Variants in UVRAG observed in about 807,000 individuals in gnomAD.
UVRAG encodes the protein UV radiation resistance-associated gene protein.
A neutral mutation model predicts 78.0 loss-of-function variants in UVRAG; 19 were observed. The observed-to-expected ratio is 0.24, with a 90% CI of 0.17 to 0.36. The LOEUF (loss-of-function observed/expected upper bound fraction) is 0.36. Among genes scored for constraint, UVRAG ranks in the 10% least tolerant of loss-of-function variants. UVRAG has a pLI of 1.00. For synonymous variants in UVRAG, 323 were observed against 324.6 expected (o/e 1.00, Z 0.05); for missense variants, 740 against 853.8 (o/e 0.87, Z 1.66).
chr11:75,916,404 A>G (rs970703809), intron 6 of UVRAG: 1 of 152,256 alleles, frequency 6.6e-6, no homozygotes, highest in African/African-American at 2.4e-5. Flanking sequence ...GTAGACATTT[A>G]ATAAATGTTA....
rs557360793 is a variant in UVRAG, at chr11:76,106,082, GAAAC to G, written c.1306-9839_1306-9836del. ...ACTTAATTCTTAATAATAAAAATGA[GAAAC>G]AACCCAGATGTCCCTCAACTGGCAT... On this transcript the variant is annotated intron_variant, in intron 13 of 14. Coordinates refer to ENST00000356136, the MANE Select transcript of UVRAG (RefSeq NM_003369.4). Among the ~76,000 whole-genome samples, 269 of 152,178 alleles carry G rather than the reference GAAAC, an allele frequency of 1.8e-3. 1 individual carries two copies. Among genetic ancestry groups the G allele is most frequent in the East Asian group, 0.011 (57 of 5,180 alleles).
At chr11:75,977,151 T>C (rs1348464532) in intron 7 of UVRAG, among the ~76,000 whole-genome samples, 2 of 152,190 alleles carry the variant, frequency 1.3e-5, no homozygotes, top group Non-Finnish European at 2.9e-5. Flanking sequence ...AGGAGCAGGT[T>C]GTTCAGTTTC....
intron 1 of UVRAG, among the ~76,000 whole-genome samples, chr11:75,828,622 G>T (rs552756880): frequency 1.3e-5 from 2 of 149,786 alleles, no homozygotes; most frequent in South Asian, 4.2e-4. Context: ...GAGACTACAG[G>T]CACGCACCAC....
intron 13 of UVRAG, among the ~76,000 whole-genome samples, chr11:76,087,505 A>G (rs1292631235): frequency 3.9e-5 from 6 of 152,220 alleles, no homozygotes; most frequent in Admixed American, 3.9e-4. Context: ...AATCATAATT[A>G]CTGTGTGTCA....
At chr11:75,848,196 CA>C (rs367973408) in intron 1 of UVRAG, among the ~76,000 whole-genome samples, 508 of 116,206 alleles carry the variant, frequency 4.4e-3, no homozygotes, top group Non-Finnish European at 4.9e-3. Flanking sequence ...GACCCTGTCT[CA>C]AAAAAAAAAA....
intron 2 of UVRAG, among the ~76,000 whole-genome samples, chr11:75,856,620 T>C (rs947744738): frequency 6.6e-6 from 1 of 152,060 alleles, no homozygotes; most frequent in Non-Finnish European, 1.5e-5. Context: ...AATTTTTTGT[T>C]GTTGTTTGTA....
At chr11:75,934,242 C>A (rs1479260710) in intron 6 of UVRAG, among the ~76,000 whole-genome samples, 1 of 152,042 alleles carries the variant, frequency 6.6e-6, no homozygotes, top group Non-Finnish European at 1.5e-5. Context: ...TCAAGCACAG[C>A]AAGACAAACA....
At chr11:75,958,940 G>T (rs960919403) in intron 6 of UVRAG, among the ~76,000 whole-genome samples, 2 of 152,130 alleles carry the variant, frequency 1.3e-5, no homozygotes, top group Non-Finnish European at 1.5e-5. Flanking sequence ...GGGTGACCAG[G>T]TTCATTGCCA....
chr11:75,902,453 T>C (rs1363646868), intron 5 of UVRAG, among the ~76,000 whole-genome samples: 1 of 152,182 alleles, frequency 6.6e-6, no homozygotes, highest in Non-Finnish European at 1.5e-5. Flanking sequence ...GTGGTGATGC[T>C]TGCCCTGGGG....
At chr11:76,016,408 C>T (rs1275635897) in intron 11 of UVRAG, among the ~76,000 whole-genome samples, 1 of 151,972 alleles carries the variant, frequency 6.6e-6, no homozygotes, top group East Asian at 1.9e-4. Flanking sequence ...CTAGGAAATT[C>T]TTAATGAATA....
intron 7 of UVRAG, among the ~76,000 whole-genome samples, chr11:75,966,525 A>C (rs1949026604): frequency 6.6e-6 from 1 of 152,142 alleles, no homozygotes; most frequent in Non-Finnish European, 1.5e-5. Context: ...AGAATATTTC[A>C]ATTTTTGTCG....
chr11:75,881,177 G>C (rs1365176927), intron 4 of UVRAG, among the ~76,000 whole-genome samples: 1 of 151,980 alleles, frequency 6.6e-6, no homozygotes, highest in Non-Finnish European at 1.5e-5. Flanking sequence ...AAACATGTGA[G>C]ACAGGTCTCA....
intron 6 of UVRAG, among the ~76,000 whole-genome samples, chr11:75,922,426 G>GT (rs973091107): frequency 1.3e-5 from 2 of 151,684 alleles, no homozygotes; most frequent in East Asian, 1.9e-4. Context: ...TATTGCTATT[G>GT]TTTTTTTAAG....
chr11:75,993,857 T>C (rs928300880), intron 8 of UVRAG, among the ~76,000 whole-genome samples: 2 of 152,008 alleles, frequency 1.3e-5, no homozygotes, highest in Admixed American at 6.6e-5. Context: ...CTTTCGGTCA[T>C]GGTGGAAGGT....
intron 1 of UVRAG, among the ~76,000 whole-genome samples, chr11:75,840,059 T>C (rs1269038781): frequency 6.6e-6 from 1 of 152,178 alleles, no homozygotes; most frequent in Admixed American, 6.6e-5. Flanking sequence ...TGGACCTCTG[T>C]CAGCTATTTT....
intron 13 of UVRAG, among the ~76,000 whole-genome samples, chr11:76,082,139 G>A (rs1951506637): frequency 6.6e-6 from 1 of 152,134 alleles, no homozygotes; most frequent in Admixed American, 6.5e-5. Context: ...TGTATTTCTT[G>A]ACCGAGTGGT....
intron 7 of UVRAG, among the ~76,000 whole-genome samples, chr11:75,982,935 T>C (rs1482698115): frequency 6.6e-6 from 1 of 152,222 alleles, no homozygotes; most frequent in Non-Finnish European, 1.5e-5. Flanking sequence ...GTTTTTTATG[T>C]CGTTCGGCTA....
At chr11:75,823,978 T>C (rs11236540) in intron 1 of UVRAG, among the ~76,000 whole-genome samples, 31,538 of 152,090 alleles carry the variant, frequency 0.21, 5,337 homozygotes, top group African/African-American at 0.47. Context: ...TTTTGCTGTA[T>C]AGGATAAATA....
At chr11:75,871,134 A>G (rs1033149152) in intron 3 of UVRAG, among the ~76,000 whole-genome samples, 1 of 152,188 alleles carries the variant, frequency 6.6e-6, no homozygotes, top group African/African-American at 2.4e-5. Context: ...TCGGCCTCCC[A>G]AAGTGCTGGG....
Sources: gnomAD v4.1 joint callset for allele counts (sites outside exome capture counted in the v4.1 genomes callset) on GRCh38, gnomAD v4.1.1 for gene constraint, MANE v1.5 for transcripts, NCBI Gene and HGNC (gene_info 2026-07-23, HGNC 2026-07-21) for gene names.